Variants in ZNF516 observed in about 807,000 individuals in gnomAD.
The protein encoded by ZNF516 is zinc finger protein 516.
Under a neutral mutation model 79.7 loss-of-function variants are expected in ZNF516, and 19 were observed. That is an observed-to-expected ratio of 0.24 (90% CI 0.17 to 0.35). ZNF516 has a LOEUF of 0.35. ZNF516 is among the 10% of genes least tolerant of loss of function. ZNF516 has a pLI of 1.00. For synonymous variants in ZNF516, 877 were observed against 739.5 expected, an observed-to-expected ratio of 1.19 and a Z score of -3.02; for missense variants, 1,678 against 1,679.5, an observed-to-expected ratio of 1.00 and a Z score of 0.02.
rs866612678 is a variant in ZNF516 at position 76,451,200 on chromosome 18, G to C, written c.-157-7989C>G. ...CCTATCTAGCTTGGCATTTTTTTCA[G>C]TTCTGGTTCATGAATTAACCTTATC... On this transcript the variant is annotated intron_variant, in intron 2 of 6. Transcript: ENST00000443185. The surrounding 1 kb of genome is among the most constrained non-coding windows in gnomAD (Gnocchi z 6.0). Among the ~76,000 whole-genome samples, 30 of 152,106 alleles carry C rather than the reference G, an allele frequency of 2.0e-4. No individual in the cohort carries two copies. The highest frequency in any genetic ancestry group is 2.9e-5 in the Non-Finnish European group (2 of 68,014).
chr18:76,455,070 A>C (rs1407619653), intron 2 of ZNF516, among the ~76,000 whole-genome samples: 1 of 152,158 alleles, frequency 6.6e-6, no homozygotes, highest in Non-Finnish European at 1.5e-5. Context: ...AGCCTGGGTT[A>C]TATGGGAATA....
chr18:76,401,214 TAA>T (rs2145214024), intron 3 of ZNF516, among the ~76,000 whole-genome samples: 1 of 151,466 alleles, frequency 6.6e-6, no homozygotes, highest in Admixed American at 6.6e-5. Flanking sequence ...ATAAATGGGT[TAA>T]GTTTTGTTCT....
chr18:76,406,289 G>GGC (rs2075303705), intron 3 of ZNF516, among the ~76,000 whole-genome samples: 1 of 152,174 alleles, frequency 6.6e-6, no homozygotes, highest in African/African-American at 2.4e-5. Context: ...AACAAGGCCG[G>GGC]GCGCGGTGGC....
intron 1 of ZNF516, among the ~76,000 whole-genome samples, chr18:76,486,439 T>TC (rs1309712054): frequency 6.6e-6 from 1 of 152,210 alleles, no homozygotes; most frequent in African/African-American, 2.4e-5. Flanking sequence ...AGAGAGTTCT[T>TC]CAAGTGTTAA....
chr18:76,399,574 C>T (rs573700951), intron 3 of ZNF516, among the ~76,000 whole-genome samples: 157 of 152,328 alleles, frequency 1.0e-3, no homozygotes, highest in Middle Eastern at 3.4e-3. Context: ...CTTGAAAATG[C>T]TCTCCATGCT....
rs139683354 is a variant in ZNF516 at position 76,477,418 on chromosome 18, G to A, written c.-271-14277C>T. On this transcript the variant is annotated intron_variant, in intron 1 of 6. Transcript: ENST00000443185. Reference sequence around the variant, plus strand: ...ACCTGAAGTGTCACCTCCAAGAACGGGACCCAGCCCCACAATGAGGAAGCA... The same window carrying A: ...ACCTGAAGTGTCACCTCCAAGAACGAGACCCAGCCCCACAATGAGGAAGCA... Among the ~76,000 whole-genome samples, 13 of 152,232 alleles carry A rather than the reference G, an allele frequency of 8.5e-5. No homozygotes were observed. The East Asian group carries it at 2.5e-3, about 29-fold the overall frequency.
chr18:76,376,523 C>T (rs577998239), intron 4 of ZNF516, among the ~76,000 whole-genome samples: 1 of 114,216 alleles, frequency 8.8e-6, no homozygotes, highest in African/African-American at 2.9e-5. Context: ...AATATTTAAC[C>T]TCTCTCTTTC....
intron 3 of ZNF516, among the ~76,000 whole-genome samples, chr18:76,438,543 A>G (rs557642402): frequency 1.3e-5 from 2 of 152,228 alleles, no homozygotes; most frequent in South Asian, 2.1e-4. Context: ...CTTTTTTTCC[A>G]TAATTTTGCA....
chr18:76,455,917 G>C (rs1912695266), intron 2 of ZNF516, among the ~76,000 whole-genome samples: 2 of 152,196 alleles, frequency 1.3e-5, no homozygotes, highest in South Asian at 2.1e-4. Context: ...TAAATGAGCT[G>C]CTATTCCATT....
intron 3 of ZNF516, among the ~76,000 whole-genome samples, chr18:76,380,976 C>A (rs568993766): frequency 6.6e-6 from 1 of 152,358 alleles, no homozygotes; most frequent in South Asian, 2.1e-4. Flanking sequence ...CACCTCCATG[C>A]CGCCACCTGC....
chr18:76,375,821 G>A (rs1309029728), intron 4 of ZNF516, among the ~76,000 whole-genome samples: 8 of 147,746 alleles, frequency 5.4e-5, no homozygotes, highest in African/African-American at 1.5e-4. Flanking sequence ...GGAAGGCCCC[G>A]AAGACCAGGT....
chr18:76,419,823 T>C (rs972174396), intron 3 of ZNF516, among the ~76,000 whole-genome samples: 1 of 152,244 alleles, frequency 6.6e-6, no homozygotes, highest in East Asian at 1.9e-4. Context: ...TATGTCTTTA[T>C]TAGCAGCATG....
intron 2 of ZNF516, among the ~76,000 whole-genome samples, chr18:76,452,418 T>C (rs1364913303): frequency 6.6e-6 from 1 of 152,194 alleles, no homozygotes; most frequent in Admixed American, 6.5e-5. Flanking sequence ...TCCCCAAATG[T>C]AAGGAACTGT....
upstream of ZNF516, chr18:76,495,387 G>C (rs1195933455): frequency 6.8e-6 from 1 of 147,064 alleles, no homozygotes; most frequent in East Asian, 2.0e-4. Flanking sequence ...GCCGGGCTCG[G>C]GGGGCTGCGC....
intron 6 of ZNF516, 139 bp downstream of exon 6, chr18:76,370,389 C>T: frequency 4.7e-6 from 4 of 848,292 alleles, no homozygotes; most frequent in Non-Finnish European, 7.0e-6. Context: ...GGTCAGGTTC[C>T]AAGTCAAAGC....
intron 1 of ZNF516, among the ~76,000 whole-genome samples, chr18:76,494,660 T>C (rs1258416724): frequency 6.6e-6 from 1 of 152,042 alleles, no homozygotes; most frequent in Non-Finnish European, 1.5e-5. Context: ...CCCTTAATAA[T>C]TGAAGCGGCT....
chr18:76,428,172 G>A (rs1167486952), intron 3 of ZNF516, among the ~76,000 whole-genome samples: 1 of 152,082 alleles, frequency 6.6e-6, no homozygotes, highest in African/African-American at 2.4e-5. Flanking sequence ...GATCACCTGA[G>A]GTCAGGAGTT....
rs1599088337 is a variant in ZNF516 at position 76,437,655 on chromosome 18, G to A, written c.1810+3590C>T. On this transcript the variant is annotated intron_variant, in intron 3 of 6. Transcript: ENST00000443185. ...AATCCAGGATGCTCAAGTCCCTGGT[G>A]TAAATGCCTGCGTGTAACCCACGCA... Among the ~76,000 whole-genome samples the A allele has an allele frequency of 2.0e-5, 3 of 152,228 alleles. No individual in the cohort carries two copies. The Middle Eastern group carries it at 0.01, about 521-fold the overall frequency.
intron 1 of ZNF516, among the ~76,000 whole-genome samples, chr18:76,479,237 T>A (rs911452989): frequency 6.6e-6 from 1 of 152,102 alleles, no homozygotes; most frequent in Non-Finnish European, 1.5e-5. Flanking sequence ...ACAGGGCAGG[T>A]AAAATGGTCA....
Sources: gnomAD v4.1 joint callset for allele counts (sites outside exome capture counted in the v4.1 genomes callset) on GRCh38, gnomAD v4.1.1 for gene constraint, Gnocchi (gnomAD v3.1) non-coding constraint, MANE v1.5 for transcripts, NCBI Gene and HGNC (gene_info 2026-07-23, HGNC 2026-07-21) for gene names.